CRYZ: variants seen among roughly 807,000 people sequenced by gnomAD.
CRYZ encodes the protein zeta-crystallin.
Under a neutral mutation model 34.1 loss-of-function variants are expected in CRYZ, and 35 were observed. The ratio of observed to expected loss-of-function variants is 1.03; its 90% CI spans 0.78 to 1.36. The LOEUF is 1.36. Among genes scored for constraint, CRYZ ranks in the 40% most tolerant of loss-of-function variants. The probability of loss-of-function intolerance (pLI) is 0.00; values close to 1 mark genes in which losing one functional copy is unlikely to be tolerated. For synonymous variants in CRYZ, 137 were observed against 136.5 expected (o/e 1.00, Z -0.03); for missense variants, 403 against 391.8 (o/e 1.03, Z -0.24).
chr1:74,716,558 C>T (rs1466021970), intron 4 of CRYZ, among the ~76,000 whole-genome samples: 1 of 152,120 alleles, frequency 6.6e-6, no homozygotes, highest in Non-Finnish European at 1.5e-5. Flanking sequence ...CTGAATTTTC[C>T]TCCACTTATA....
chr1:74,716,612 G>A (rs1286719061), intron 4 of CRYZ, among the ~76,000 whole-genome samples: 2 of 152,124 alleles, frequency 1.3e-5, no homozygotes, highest in Non-Finnish European at 2.9e-5. Flanking sequence ...CATTCTCCCT[G>A]AGAAATATCA....
At chr1:74,726,624 T>G (rs984445494) in intron 1 of CRYZ, among the ~76,000 whole-genome samples, 4 of 152,194 alleles carry the variant, frequency 2.6e-5, no homozygotes, top group Non-Finnish European at 5.9e-5. Context: ...TGATTAACAT[T>G]TGGCTCCTCC....
At chr1:74,727,323 G>C (rs924053694) in intron 1 of CRYZ, among the ~76,000 whole-genome samples, 36 of 149,850 alleles carry the variant, frequency 2.4e-4, no homozygotes, top group Non-Finnish European at 4.9e-4. Context: ...TCACAATTAT[G>C]GCAAAGGAGA....
At chr1:74,710,036 A>C in intron 6 of CRYZ, 62 bp downstream of exon 6, 1 of 1,481,294 alleles carries the variant, frequency 6.8e-7, no homozygotes, top group South Asian at 1.2e-5. Flanking sequence ...AAACATATTA[A>C]AAAACCACGC....
At position 74,724,775 on chromosome 1, in the gene CRYZ, A is replaced by T. The variant is rs1190676303; in HGVS notation, c.47T>A (p.Phe16Tyr). The T allele has an allele frequency of 2.5e-6, 4 of 1,613,636 alleles. No homozygotes were observed. Among genetic ancestry groups the T allele is most frequent in the Non-Finnish European group, 3.4e-6 (4 of 1,179,834 alleles). ...CAATTTCAGGACTTCTGGCCCACCA[A>T]ATTCAAAAACTCTAACAGCTCTCAT... ...KLMRAVRVFE[F>Y]GGPEVLKLRS... is the part of the protein sequence containing the mutation. The change falls in exon 2 of 9, where the codon TTT (phenylalanine) becomes TAT (tyrosine). Residue 16 changes from phenylalanine (F) to tyrosine (Y), a missense_variant. By Grantham distance (22) the Phe-to-Tyr change is conservative (BLOSUM62 3). Coordinates refer to ENST00000340866, the MANE Select transcript of CRYZ (RefSeq NM_001889.4).
At chr1:74,729,138 T>TG (rs1647550928) in intron 1 of CRYZ, among the ~76,000 whole-genome samples, 2 of 151,834 alleles carry the variant, frequency 1.3e-5, no homozygotes, top group African/African-American at 4.8e-5. Flanking sequence ...TGTTTTGTTT[T>TG]TTTTTTTTTC....
In CRYZ at chr1:74,718,298, G is replaced by A. The variant is rs936299965; in HGVS notation, c.428+911C>T. Among the ~76,000 whole-genome samples, 3 of 151,988 alleles carry A rather than the reference G, an allele frequency of 2.0e-5. No individual in the cohort carries two copies. The South Asian group carries it at 6.2e-4, about 32-fold the overall frequency. ...TTTTGTCTAGTGGAGACTCCTATAA[G>A]ACGCTCTTATCTCTTCATTCCTATC... On this transcript the variant is annotated intron_variant, in intron 4 of 8. Coordinates refer to ENST00000340866, the MANE Select transcript of CRYZ (RefSeq NM_001889.4).
intron 2 of CRYZ, among the ~76,000 whole-genome samples, chr1:74,723,531 G>C (rs1033103792): frequency 6.6e-6 from 1 of 152,230 alleles, no homozygotes; most frequent in Non-Finnish European, 1.5e-5. Flanking sequence ...AGAGACCTCT[G>C]CGTGTTCATC....
At chr1:74,720,314 A>T (rs1647141522) in intron 3 of CRYZ, among the ~76,000 whole-genome samples, 1 of 150,576 alleles carries the variant, frequency 6.6e-6, no homozygotes, top group African/African-American at 2.4e-5. Context: ...TGACAGCAGG[A>T]TGACCCAGGA....
In CRYZ at chr1:74,733,016, A is replaced by T; in HGVS notation, c.-74T>A. ...TTCTTCAGATTCCACAGAAATGAGG[A>T]CTGCCACACCTTCTCCAACTTTTGC... is the stretch of plus-strand genomic sequence containing the variant. On this transcript the variant is annotated 5_prime_UTR_variant, in exon 1 of 9. Coordinates refer to ENST00000340866, the MANE Select transcript of CRYZ (RefSeq NM_001889.4). The T allele has an allele frequency of 1.8e-6, 1 of 562,792 alleles. No homozygotes were observed. The allele number at this position is 562,792 out of a possible 1,614,324, so 34.9% of individuals were successfully genotyped here.
Position 74,724,719 on chromosome 1 carries a change from C to T in CRYZ, c.103G>A (p.Asp35Asn), listed in dbSNP as rs1031980067. The T allele has an allele frequency of 2.5e-6, 4 of 1,602,482 alleles. No homozygotes were observed. In the South Asian group the frequency reaches 3.3e-5, roughly 13 times the overall value. The change falls in exon 2 of 9, where the codon GAC becomes AAC. Residue 35 changes from aspartate to asparagine, a missense_variant. Asp to Asn is a conservative substitution (Grantham distance 23). Transcript: ENST00000340866. ...AGTAATTTTATTTCTACCTGATGGT[C>T]TTTTGGAATCGGTACTGCAATATCT... Reference protein sequence around the residue: ...RSDIAVPIPKDHQVLIKVHAC... With the variant: ...RSDIAVPIPKNHQVLIKVHAC...
At chr1:74,712,196 T>C (rs1647013314) in intron 5 of CRYZ, among the ~76,000 whole-genome samples, 1 of 152,184 alleles carries the variant, frequency 6.6e-6, no homozygotes, top group Non-Finnish European at 1.5e-5. Flanking sequence ...TGACAAATGA[T>C]GGTACAAATA....
At chr1:74,722,973 T>G (rs934921469) in intron 3 of CRYZ, 145 bp downstream of exon 3, 1 of 718,658 alleles carries the variant, frequency 1.4e-6, no homozygotes, top group Admixed American at 3.2e-5. Flanking sequence ...TCTTAATTCC[T>G]TTTTTGACTA....
intron 6 of CRYZ, chr1:74,708,608 G>A (rs1413869373): frequency 6.6e-6 from 1 of 152,108 alleles, no homozygotes; most frequent in African/African-American, 2.4e-5. Flanking sequence ...CAACTTGCTG[G>A]GTGGGAGGGA....
intron 1 of CRYZ, among the ~76,000 whole-genome samples, chr1:74,727,041 T>C (rs1647380265): frequency 6.6e-6 from 1 of 151,810 alleles, no homozygotes; most frequent in Admixed American, 6.6e-5. Context: ...ACTATCAGCA[T>C]TTTGGTCAAA....
chr1:74,706,113 A>C lies in CRYZ; in HGVS notation c.*183T>G. The C allele has an allele frequency of 2.0e-6, 1 of 488,792 alleles. No homozygotes were observed. The highest frequency in any genetic ancestry group is 3.6e-6 in the Non-Finnish European group (1 of 279,914). 30.3% of individuals were successfully genotyped at this position (488,792 alleles called of 1,614,324 possible). ...CTTTGATTTGAGACAGATGGCATAA[A>C]AAAATATTGCTAGCTATACAATAAA... On this transcript the variant is annotated 3_prime_UTR_variant, in exon 9 of 9. Transcript: ENST00000340866.
intron 4 of CRYZ, among the ~76,000 whole-genome samples, chr1:74,718,651 A>G (rs189765667): frequency 6.6e-5 from 10 of 152,114 alleles, no homozygotes; most frequent in Admixed American, 5.9e-4. Flanking sequence ...CTCTCCTTCT[A>G]GTTACCCTTC....
intron 2 of CRYZ, 111 bp from the exon 3 acceptor site, chr1:74,723,381 CAAAT>C (rs1228363391): frequency 6.3e-6 from 6 of 954,952 alleles, no homozygotes; most frequent in Non-Finnish European, 9.4e-6. Context: ...AAAAGCAAAA[CAAAT>C]AAGTGCTTGC....
rs1396405740 is a variant in CRYZ at position 74,710,265 on chromosome 1, C to A, written c.481-18G>T. 8 of 1,612,614 alleles carry A rather than the reference C, an allele frequency of 5.0e-6. No homozygotes were observed. The highest frequency in any genetic ancestry group is 1.7e-5 in the Admixed American group (1 of 59,788). On this transcript the variant is annotated intron_variant, in intron 5 of 8. Coordinates refer to ENST00000340866, the MANE Select transcript of CRYZ (RefSeq NM_001889.4). ...AATCCAACCTGAAAAACAAATATAACCCAAGAGTTATATATTCTCTACACT... is the reference window on the plus strand; with the variant it reads ...AATCCAACCTGAAAAACAAATATAAACCAAGAGTTATATATTCTCTACACT...
Sources: allele counts gnomAD v4.1 joint callset (sites outside exome capture counted in the v4.1 genomes callset), GRCh38; gene constraint gnomAD v4.1.1; transcripts MANE v1.5; gene names NCBI Gene and HGNC (gene_info 2026-07-23, HGNC 2026-07-21).